ADGRB3: variants seen among roughly 807,000 people sequenced by gnomAD.
ADGRB3 encodes the protein adhesion G protein-coupled receptor B3, also known as brain-specific angiogenesis inhibitor 3.
ADGRB3 carries 37 observed loss-of-function variants against 193.4 expected under a neutral mutation model. The ratio of observed to expected loss-of-function variants is 0.19; its 90% CI spans 0.15 to 0.25. The LOEUF is 0.25. Among genes scored for constraint, ADGRB3 ranks in the 10% least tolerant of loss-of-function variants. The probability of loss-of-function intolerance (pLI) is 1.00; values close to 1 mark genes in which losing one functional copy is unlikely to be tolerated. For synonymous variants in ADGRB3, 690 were observed against 644.2 expected, an observed-to-expected ratio of 1.07 and a Z score of -1.08; for missense variants, 1,637 against 1,852.9, an observed-to-expected ratio of 0.88 and a Z score of 2.14.
At chr6:68,910,620 A>G (rs1309923486) in intron 3 of ADGRB3, among the ~76,000 whole-genome samples, 1 of 152,230 alleles carries the variant, frequency 6.6e-6, no homozygotes, top group Non-Finnish European at 1.5e-5. Flanking sequence ...AGCTTTCTAC[A>G]TATGGCTATC....
chr6:68,773,841 G>A (rs1766685524), intron 3 of ADGRB3, among the ~76,000 whole-genome samples: 1 of 152,060 alleles, frequency 6.6e-6, no homozygotes, highest in Non-Finnish European at 1.5e-5. Flanking sequence ...TTAGATGTAA[G>A]ATAGAAGAAG....
intron 10 of ADGRB3, 55 bp downstream of exon 10, chr6:68,975,395 C>A: frequency 7.4e-7 from 1 of 1,358,016 alleles, no homozygotes; most frequent in Non-Finnish European, 1.0e-6. Flanking sequence ...CTAATGATCA[C>A]TGTGTGAGAA....
chr6:68,771,427 C>T, intron 3 of ADGRB3, among the ~76,000 whole-genome samples: 1 of 151,872 alleles, frequency 6.6e-6, no homozygotes, highest in Non-Finnish European at 1.5e-5. Flanking sequence ...TGTATACACA[C>T]ACATACATAT....
intron 17 of ADGRB3, among the ~76,000 whole-genome samples, chr6:69,086,486 A>G (rs1167705833): frequency 6.6e-6 from 1 of 152,148 alleles, no homozygotes; most frequent in African/African-American, 2.4e-5. Flanking sequence ...AGTAGATGGC[A>G]CTATTTCCTG....
intron 20 of ADGRB3, among the ~76,000 whole-genome samples, chr6:69,259,151 A>G (rs144345538): frequency 2.2e-3 from 330 of 152,288 alleles, no homozygotes; most frequent in African/African-American, 7.6e-3. Context: ...AGCCAAAAAT[A>G]TATCCTTTCG....
At chr6:68,955,479 G>T (rs1367444561) in intron 6 of ADGRB3, among the ~76,000 whole-genome samples, 2 of 152,096 alleles carry the variant, frequency 1.3e-5, no homozygotes, top group Non-Finnish European at 2.9e-5. Flanking sequence ...TATTTTTGAA[G>T]AAATAAGTGA....
At chr6:69,224,828 A>G (rs1228896640) in intron 17 of ADGRB3, among the ~76,000 whole-genome samples, 3 of 152,142 alleles carry the variant, frequency 2.0e-5, no homozygotes, top group Non-Finnish European at 4.4e-5. Flanking sequence ...TGAGAAAAAA[A>G]TACTTAAAAT....
intron 17 of ADGRB3, among the ~76,000 whole-genome samples, chr6:69,191,143 A>T (rs1208604457): frequency 6.6e-6 from 1 of 152,192 alleles, no homozygotes; most frequent in Non-Finnish European, 1.5e-5. Flanking sequence ...CAGCCTCCAA[A>T]TATTATGATT....
intron 15 of ADGRB3, among the ~76,000 whole-genome samples, chr6:69,058,569 T>C (rs1771618386): frequency 6.6e-6 from 1 of 151,994 alleles, no homozygotes; most frequent in African/African-American, 2.4e-5. Flanking sequence ...TTTTTTAATG[T>C]AGGTGTTTAC....
chr6:68,726,992 A>G (rs1469793264), intron 3 of ADGRB3, among the ~76,000 whole-genome samples: 2 of 151,564 alleles, frequency 1.3e-5, no homozygotes, highest in Non-Finnish European at 3.0e-5. Flanking sequence ...AGTCAACTTC[A>G]CATGGCTTTT....
At chr6:69,321,479 C>A (rs1332212591) in intron 20 of ADGRB3, among the ~76,000 whole-genome samples, 6 of 151,700 alleles carry the variant, frequency 4.0e-5, no homozygotes, top group Non-Finnish European at 8.8e-5. Context: ...AACTGTAGGA[C>A]CAAAGTTCAA....
intron 3 of ADGRB3, among the ~76,000 whole-genome samples, chr6:68,757,278 CTG>C (rs1399731997): frequency 6.6e-6 from 1 of 152,094 alleles, no homozygotes; most frequent in Non-Finnish European, 1.5e-5. Context: ...TTCCCTCTTG[CTG>C]TGTTTTGCTC....
At chr6:69,093,159 G>A (rs987058988) in intron 17 of ADGRB3, among the ~76,000 whole-genome samples, 18 of 151,744 alleles carry the variant, frequency 1.2e-4, no homozygotes, top group African/African-American at 4.4e-4. Context: ...TACGTTCAGG[G>A]GTACAAGGAT....
At chr6:69,143,331 G>C (rs1251994421) in intron 17 of ADGRB3, among the ~76,000 whole-genome samples, 2 of 151,774 alleles carry the variant, frequency 1.3e-5, no homozygotes, top group African/African-American at 2.4e-5. Flanking sequence ...CTCATTCTTT[G>C]GGTTGTCTCT....
chr6:68,954,146 C>G (rs1331448725), intron 6 of ADGRB3, among the ~76,000 whole-genome samples: 1 of 152,078 alleles, frequency 6.6e-6, no homozygotes, highest in African/African-American at 2.4e-5. Flanking sequence ...AATTACATCC[C>G]CAGTAGATGC....
chr6:69,293,966 G>A (rs139105686), intron 20 of ADGRB3, among the ~76,000 whole-genome samples: 1 of 152,138 alleles, frequency 6.6e-6, no homozygotes, highest in Non-Finnish European at 1.5e-5. Context: ...TTCCAGGGGG[G>A]AGGGTAGCAC....
intron 20 of ADGRB3, among the ~76,000 whole-genome samples, chr6:69,319,791 A>G (rs78580764): frequency 3.3e-5 from 5 of 150,766 alleles, no homozygotes; most frequent in Admixed American, 1.3e-4. Flanking sequence ...TCTGTTCTCT[A>G]TTTTCCTGTG....
intron 3 of ADGRB3, among the ~76,000 whole-genome samples, chr6:68,729,728 A>G (rs1216860392): frequency 6.6e-6 from 1 of 151,632 alleles, no homozygotes; most frequent in Non-Finnish European, 1.5e-5. Context: ...GACACTTTTC[A>G]GAACACTTAT....
chr6:68,684,432 A>T (rs560225261), intron 3 of ADGRB3, among the ~76,000 whole-genome samples: 1 of 152,186 alleles, frequency 6.6e-6, no homozygotes, highest in Non-Finnish European at 1.5e-5. Flanking sequence ...GCTAACTCAG[A>T]GGCAAACAAG....
Sources: gnomAD v4.1 joint callset for allele counts (sites outside exome capture counted in the v4.1 genomes callset) on GRCh38, gnomAD v4.1.1 for gene constraint, MANE v1.5 for transcripts, NCBI Gene and HGNC (gene_info 2026-07-23, HGNC 2026-07-21) for gene names.